The following MAGI1 variants were observed in gnomAD, a reference collection of about 807,000 sequenced individuals.
MAGI1 encodes membrane-associated guanylate kinase, WW and PDZ domain-containing protein 1.
In MAGI1, 58 loss-of-function variants were observed where a neutral mutation model predicts 139.9. That is an observed-to-expected ratio of 0.41 (90% CI 0.34 to 0.52). The LOEUF is 0.52. Among genes scored for constraint, MAGI1 ranks in the 20% least tolerant of loss-of-function variants. MAGI1 has a pLI of 0.12. For synonymous variants in MAGI1, 812 were observed against 737.9 expected, an observed-to-expected ratio of 1.10 and a Z score of -1.63; for missense variants, 1,874 against 1,901.6, an observed-to-expected ratio of 0.99 and a Z score of 0.27.
At chr3:65,596,378 G>T (rs2082198531) in intron 2 of MAGI1, among the ~76,000 whole-genome samples, 1 of 152,110 alleles carries the variant, frequency 6.6e-6, no homozygotes. Flanking sequence ...CATTCAAGAG[G>T]AGTAGTAAAA....
chr3:65,548,155 T>G (rs67872791), intron 2 of MAGI1, among the ~76,000 whole-genome samples: 3,922 of 152,308 alleles, frequency 0.026, 64 homozygotes, highest in Middle Eastern at 0.054. Flanking sequence ...GCTCTGCTCA[T>G]GGCAGACAGG....
intron 12 of MAGI1, chr3:65,401,918 TG>T: frequency 1.0e-6 from 1 of 984,960 alleles, no homozygotes; most frequent in Non-Finnish European, 1.2e-6. Context: ...AAGGAGTACA[TG>T]GTTAAAATTA....
intron 6 of MAGI1, 109 bp from the exon 7 acceptor site, chr3:65,448,166 T>C: frequency 1.0e-6 from 1 of 952,492 alleles, no homozygotes; most frequent in Non-Finnish European, 1.7e-6. Context: ...AACACATCAC[T>C]CTAGTTCATC....
chr3:65,728,554 A>G (rs2033855416), intron 1 of MAGI1, among the ~76,000 whole-genome samples: 2 of 152,208 alleles, frequency 1.3e-5, no homozygotes, highest in South Asian at 4.1e-4. Flanking sequence ...ACTTCCTCAA[A>G]CCCCAGGGCC....
chr3:65,995,315 T>C (rs564290924), intron 1 of MAGI1, among the ~76,000 whole-genome samples: 100 of 152,146 alleles, frequency 6.6e-4, no homozygotes, highest in African/African-American at 2.4e-3. Flanking sequence ...TCCAGAGGAG[T>C]TCAGCAATAG....
intron 2 of MAGI1, among the ~76,000 whole-genome samples, chr3:65,516,999 A>G (rs925115989): frequency 1.3e-5 from 2 of 151,646 alleles, no homozygotes; most frequent in African/African-American, 4.8e-5. Context: ...AAGTGCTGGG[A>G]TTACAGGCGT....
chr3:65,387,690 A>T (rs9847394), intron 14 of MAGI1, among the ~76,000 whole-genome samples: 2 of 152,148 alleles, frequency 1.3e-5, no homozygotes, highest in Admixed American at 6.5e-5. Flanking sequence ...ATTTCAAGCC[A>T]GAATAGTCTT....
chr3:65,654,621 T>C (rs536445197), intron 1 of MAGI1, among the ~76,000 whole-genome samples: 49 of 152,260 alleles, frequency 3.2e-4, no homozygotes, highest in African/African-American at 1.1e-3. Context: ...ATATGAGTAA[T>C]GACTTTTTTT....
At chr3:65,401,928 TA>T in intron 12 of MAGI1, 1 of 984,154 alleles carries the variant, frequency 1.0e-6, no homozygotes, top group South Asian at 4.7e-5. Flanking sequence ...TGGTTAAAAT[TA>T]AAAAAATTTT....
At chr3:65,914,712 T>C (rs948940421) in intron 1 of MAGI1, among the ~76,000 whole-genome samples, 2 of 152,198 alleles carry the variant, frequency 1.3e-5, no homozygotes, top group Admixed American at 6.5e-5. Context: ...AATCACAAAG[T>C]TGAGAACAGT....
chr3:65,706,623 G>A (rs1280656972), intron 1 of MAGI1, among the ~76,000 whole-genome samples: 1 of 152,198 alleles, frequency 6.6e-6, no homozygotes, highest in Non-Finnish European at 1.5e-5. Flanking sequence ...CTGGAGAGGA[G>A]TGAAAGATAA....
chr3:65,388,489 T>C (rs1277854700), intron 14 of MAGI1, among the ~76,000 whole-genome samples: 1 of 151,898 alleles, frequency 6.6e-6, no homozygotes, highest in Non-Finnish European at 1.5e-5. Flanking sequence ...AAAGACAAGA[T>C]ACAAAACAAC....
intron 1 of MAGI1, among the ~76,000 whole-genome samples, chr3:65,887,058 A>G (rs1291978879): frequency 6.6e-6 from 1 of 152,200 alleles, no homozygotes; most frequent in Admixed American, 6.5e-5. Context: ...ATAAATATAA[A>G]ATACTGATTA....
At chr3:65,690,913 T>C (rs2088572734) in intron 1 of MAGI1, among the ~76,000 whole-genome samples, 1 of 152,168 alleles carries the variant, frequency 6.6e-6, no homozygotes, top group Non-Finnish European at 1.5e-5. Context: ...CTGACCAATA[T>C]GCCCCACTTA....
intron 2 of MAGI1, among the ~76,000 whole-genome samples, chr3:65,535,451 G>A (rs547466100): frequency 1.1e-4 from 17 of 152,310 alleles, no homozygotes; most frequent in African/African-American, 4.1e-4. Context: ...GAAGGAAGCT[G>A]TATAGATTCA....
chr3:65,770,446 C>G (rs2037856201), intron 1 of MAGI1, among the ~76,000 whole-genome samples: 1 of 152,188 alleles, frequency 6.6e-6, no homozygotes, highest in African/African-American at 2.4e-5. Context: ...AGGAAACCCA[C>G]TGGCCAGCTC....
rs141665444 is a variant in MAGI1 at position 65,372,608 on chromosome 3, A to C, written c.3196+3137T>G. Among the ~76,000 whole-genome samples, 729 of 150,266 alleles carry C rather than the reference A, an allele frequency of 4.9e-3. 5 individuals carry two copies. The highest frequency in any genetic ancestry group is 0.017 in the African/African-American group (694 of 39,712). ...CATTGATGTCTCCTCTCTAGCTAGG[A>C]AAGTCTTAAATGACCATCTTCTTTC... On this transcript the variant is annotated intron_variant, in intron 18 of 22. Transcript: ENST00000402939.
chr3:65,362,673 G>C (rs1213020106), intron 21 of MAGI1, among the ~76,000 whole-genome samples: 1 of 152,150 alleles, frequency 6.6e-6, no homozygotes, highest in Non-Finnish European at 1.5e-5. Flanking sequence ...CCCTTAATCA[G>C]TTTTTCCCTT....
intron 2 of MAGI1, among the ~76,000 whole-genome samples, chr3:65,617,123 C>T (rs2083418639): frequency 6.6e-6 from 1 of 152,210 alleles, no homozygotes; most frequent in Non-Finnish European, 1.5e-5. Context: ...AGATCAAACA[C>T]ATGTAATCCC....
Sources: allele counts gnomAD v4.1 joint callset (sites outside exome capture counted in the v4.1 genomes callset), GRCh38; gene constraint gnomAD v4.1.1; transcripts MANE v1.5; gene names NCBI Gene and HGNC (gene_info 2026-07-23, HGNC 2026-07-21).